The following PARP4 variants were observed in gnomAD, a reference collection of about 807,000 sequenced individuals.
PARP4 encodes poly(ADP-ribose) polymerase family member 4, also known as protein mono-ADP-ribosyltransferase PARP4.
In PARP4, 120 loss-of-function variants were observed where a neutral mutation model predicts 187.7. The ratio of observed to expected loss-of-function variants is 0.64; its 90% CI spans 0.55 to 0.74. The LOEUF (loss-of-function observed/expected upper bound fraction) is 0.74, where lower values mean the gene tolerates loss of function less well. Among genes scored for constraint, PARP4 ranks in the 30% least tolerant of loss-of-function variants. The pLI is 0.00. For synonymous variants in PARP4, 654 were observed against 740.9 expected (o/e 0.88, Z 1.90); for missense variants, 1,836 against 2,070.5 (o/e 0.89, Z 2.20).
chr13:24,499,390 T>C lies in PARP4; in HGVS notation c.402-14A>G, dbSNP rs370606178. On this transcript the variant is annotated splice_polypyrimidine_tract_variant and intron_variant, in intron 4 of 33. Coordinates refer to ENST00000381989, the MANE Select transcript of PARP4 (RefSeq NM_006437.4). ...TGCATACCAAACCTGAAATTTGTAG[T>C]GTATAATTAAAATTTTAACATTAAA... The C allele has an allele frequency of 3.9e-6, 6 of 1,553,868 alleles. No individual in the cohort carries two copies. The South Asian group carries it at 4.9e-5, about 13-fold the overall frequency.
At chr13:24,432,874 G>C (rs1870417325) in intron 31 of PARP4, among the ~76,000 whole-genome samples, 1 of 152,136 alleles carries the variant, frequency 6.6e-6, no homozygotes, top group South Asian at 2.1e-4. Context: ...AAGACCCTAG[G>C]GAAACCAACA....
chr13:24,429,627 AT>A (rs1306646867), intron 32 of PARP4, among the ~76,000 whole-genome samples: 122 of 152,258 alleles, frequency 8.0e-4, no homozygotes, highest in African/African-American at 2.9e-3. Context: ...AGTCTCTCTA[AT>A]TTGGTGCCAC....
chr13:24,504,371 T>C (rs1869490518), intron 1 of PARP4, among the ~76,000 whole-genome samples: 1 of 136,894 alleles, frequency 7.3e-6, no homozygotes, highest in Non-Finnish European at 1.5e-5. Flanking sequence ...TGGAGTGCAG[T>C]GGTGCGATCT....
chr13:24,445,577 T>C (rs1347489551), intron 27 of PARP4, among the ~76,000 whole-genome samples: 1 of 152,212 alleles, frequency 6.6e-6, no homozygotes, highest in Non-Finnish European at 1.5e-5. Context: ...AACTGTATGT[T>C]AGACAGAAGC....
At chr13:24,431,544 G>C (rs1458405324) in intron 31 of PARP4, 68 bp from the exon 32 acceptor site, 2 of 989,992 alleles carry the variant, frequency 2.0e-6, no homozygotes, top group South Asian at 2.8e-5. Context: ...GTTACGTAGT[G>C]GGGGAAGGAG....
Position 24,423,517 on chromosome 13 carries a change from C to T in PARP4, c.4980-2203G>A, listed in dbSNP as rs189911506. Reference sequence around the variant, plus strand: ...CTGCACGCCAGCCTGGGTGACAGAACGAGATCTGGCCTCAAAAAATAAATA... The same window carrying T: ...CTGCACGCCAGCCTGGGTGACAGAATGAGATCTGGCCTCAAAAAATAAATA... On this transcript the variant is annotated intron_variant, in intron 33 of 33. Coordinates refer to ENST00000381989, the MANE Select transcript of PARP4 (RefSeq NM_006437.4). Among the ~76,000 whole-genome samples the T allele has an allele frequency of 1.2e-3, 177 of 143,468 alleles. 3 individuals carry two copies. The East Asian group carries it at 0.019, about 15-fold the overall frequency. 94.1% of individuals were successfully genotyped at this position (143,468 alleles called of 152,430 possible).
At chr13:24,500,918 G>A (rs996175926) in intron 3 of PARP4, among the ~76,000 whole-genome samples, 3 of 152,188 alleles carry the variant, frequency 2.0e-5, no homozygotes, top group African/African-American at 7.2e-5. Context: ...TGTATTTGTA[G>A]TAATTTGGAA....
chr13:24,478,843 CTT>C (rs1412355044), intron 12 of PARP4, among the ~76,000 whole-genome samples: 2 of 152,202 alleles, frequency 1.3e-5, no homozygotes, highest in Non-Finnish European at 2.9e-5. Context: ...TCTCCTAAAT[CTT>C]TGTTAGCTAC....
At chr13:24,482,345 G>A (rs1368546076) in intron 12 of PARP4, among the ~76,000 whole-genome samples, 1 of 152,174 alleles carries the variant, frequency 6.6e-6, no homozygotes, top group Non-Finnish European at 1.5e-5. Flanking sequence ...CAGCAGCAGT[G>A]TTTGAGATAA....
chr13:24,459,127 C>G lies in PARP4; in HGVS notation c.2346-5G>C. ...ATAGACATAGTCAAAGAGAAGCTAG[C>G]AAAAATGAAGAGAAAGTTGTCTTAG... is the stretch of plus-strand genomic sequence containing the variant. On this transcript the variant is annotated splice_region_variant and splice_polypyrimidine_tract_variant and intron_variant, in intron 19 of 33. Coordinates refer to ENST00000381989, the MANE Select transcript of PARP4 (RefSeq NM_006437.4). 3 of 1,600,064 alleles carry G rather than the reference C, an allele frequency of 1.9e-6. No individual in the cohort carries two copies. The highest frequency in any genetic ancestry group is 1.3e-5 in the African/African-American group (1 of 74,296).
At chr13:24,510,471 G>A (rs955449582) in intron 1 of PARP4, among the ~76,000 whole-genome samples, 2 of 148,238 alleles carry the variant, frequency 1.3e-5, no homozygotes, top group East Asian at 2.0e-4. Flanking sequence ...GGGGAATGGC[G>A]TGAACCCGGG....
chr13:24,500,444 C>T, intron 3 of PARP4, 62 bp from the exon 4 acceptor site: 1 of 1,015,582 alleles, frequency 9.8e-7, no homozygotes, highest in Non-Finnish European at 1.5e-6. Flanking sequence ...AATTAGTTAA[C>T]CTAAGTGCTG....
intron 24 of PARP4, 94 bp downstream of exon 24, chr13:24,452,312 A>T: frequency 1.0e-6 from 1 of 959,770 alleles, no homozygotes; most frequent in Non-Finnish European, 1.6e-6. Flanking sequence ...TCTGTATTCT[A>T]GTGTCAACTT....
At position 24,486,289 on chromosome 13, in the gene PARP4, C is replaced by T. The variant is rs751890451; in HGVS notation, c.1231G>A (p.Val411Ile). ...CTGCCAACTCTAAATATCTGCAAGACATCCACTGGGCTCTTACTGTAAGAA... is the reference window on the plus strand; with the variant it reads ...CTGCCAACTCTAAATATCTGCAAGATATCCACTGGGCTCTTACTGTAAGAA... ...QNHHSKSPVDVLQIFRVGRVN... is the reference protein window; with the variant it reads ...QNHHSKSPVDILQIFRVGRVN... The change falls in exon 11 of 34, where the codon GTC becomes ATC. Residue 411 changes from valine to isoleucine, a missense_variant. Around this residue, in one of 8 missense-constraint regions of PARP4, gnomAD observed 1,147 missense variants for 1,214.2 expected, o/e 0.94. Transcript: ENST00000381989. 8 of 1,597,372 alleles carry T rather than the reference C, an allele frequency of 5.0e-6. No individual in the cohort carries two copies. The South Asian group carries it at 6.6e-5, about 13-fold the overall frequency.
rs917989027 is a variant in PARP4, at chr13:24,501,736, T to C, written c.231A>G (p.Ile77Met). ...GTCTCTTTTCCCTGATAGATTTCCATATAAAATCTGGGTTTGCAATATGAA... is the reference window on the plus strand; with the variant it reads ...GTCTCTTTTCCCTGATAGATTTCCACATAAAATCTGGGTTTGCAATATGAA... Reference protein sequence around the residue: ...NHVHIANPDFIWKSIREKRLL... With the variant: ...NHVHIANPDFMWKSIREKRLL... Residue 77 changes from isoleucine to methionine, a missense_variant, in exon 3 of 34, where the codon ATA becomes ATG. Transcript: ENST00000381989. 13 of 1,610,490 alleles carry C rather than the reference T, an allele frequency of 8.1e-6. No homozygotes were observed. In the African/African-American group the frequency reaches 1.3e-4, roughly 17 times the overall value.
intron 29 of PARP4, among the ~76,000 whole-genome samples, chr13:24,442,276 T>C (rs1474392897): frequency 6.6e-6 from 1 of 152,076 alleles, no homozygotes; most frequent in Non-Finnish European, 1.5e-5. Flanking sequence ...GGTCTTGGAT[T>C]AATAAAAGAC....
chr13:24,435,485 G>A lies in PARP4; in HGVS notation c.3667-11C>T. On this transcript the variant is annotated splice_polypyrimidine_tract_variant and intron_variant, in intron 30 of 33. Coordinates refer to ENST00000381989, the MANE Select transcript of PARP4 (RefSeq NM_006437.4). ...GGATGCTAAAAGAGACTGCCCAGAA[G>A]ACAGAATTATTAACGTAAGGGGAAA... is the stretch of plus-strand genomic sequence containing the variant. 6.4e-7 allele frequency: 1 copy of A among 1,559,064 alleles called. No homozygotes were observed. The highest frequency in any genetic ancestry group is 8.6e-7 in the Non-Finnish European group (1 of 1,162,162).
In PARP4 at chr13:24,477,734, T is replaced by G; in HGVS notation, c.1756A>C (p.Arg586=). Residue 586 remains arginine (R), a synonymous_variant, in exon 14 of 34, where the codon AGA becomes CGA. Coordinates refer to ENST00000381989, the MANE Select transcript of PARP4 (RefSeq NM_006437.4). ...PSDHTELEEY[R]PEFSNFSKVE... ...TTTGAAAAATTTGAAAACTCAGGTC[T>G]GTATTCCTCTAATTCAGTATGATCA... 6.3e-7 allele frequency: 1 copy of G among 1,590,696 alleles called. No homozygotes were observed. Among genetic ancestry groups the G allele is most frequent in the Non-Finnish European group, 8.6e-7 (1 of 1,167,976 alleles).
intron 6 of PARP4, among the ~76,000 whole-genome samples, chr13:24,495,960 G>A (rs1868922741): frequency 6.6e-6 from 1 of 152,126 alleles, no homozygotes; most frequent in Admixed American, 6.6e-5. Context: ...AGCAAACCAG[G>A]CTCACCCAGG....
Sources: gnomAD v4.1 joint callset for allele counts (sites outside exome capture counted in the v4.1 genomes callset) on GRCh38, gnomAD v4.1.1 for gene constraint, gnomAD v4.1.1 regional missense constraint, MANE v1.5 for transcripts, NCBI Gene and HGNC (gene_info 2026-07-23, HGNC 2026-07-21) for gene names.